The following ENTPD1 variants were observed in gnomAD, a reference collection of about 807,000 sequenced individuals.
ENTPD1 encodes ectonucleoside triphosphate diphosphohydrolase 1, also known as ATP diphosphohydrolase.
Under a neutral mutation model 57.0 loss-of-function variants are expected in ENTPD1, and 33 were observed. That is an observed-to-expected ratio of 0.58 (90% CI 0.44 to 0.77). The LOEUF is 0.77. ENTPD1 is among the 30% of genes least tolerant of loss of function. ENTPD1 has a pLI of 0.00. For missense variants in ENTPD1, 501 were observed against 603.4 expected (o/e 0.83, Z 1.78); for synonymous variants, 202 against 218.8 (o/e 0.92, Z 0.68).
In ENTPD1 at chr10:95,869,930, T is replaced by C; in HGVS notation, c.*3547T>C. On this transcript the variant is annotated 3_prime_UTR_variant, in exon 10 of 10. Transcript: ENST00000371205. Reference sequence around the variant, plus strand: ...GTGTGTTCACCTCACATGTGGCTTGTAGCTACCATACTGGACAGCACATGT... The same window carrying C: ...GTGTGTTCACCTCACATGTGGCTTGCAGCTACCATACTGGACAGCACATGT... The C allele has an allele frequency of 2.0e-6, 2 of 979,994 alleles. No homozygotes were observed. Among genetic ancestry groups the C allele is most frequent in the Non-Finnish European group, 2.4e-6 (2 of 824,948 alleles). 60.7% of individuals were successfully genotyped at this position (979,994 alleles called of 1,614,324 possible).
chr10:95,782,682 T>C (rs2098162531), intron 1 of ENTPD1, among the ~76,000 whole-genome samples: 1 of 152,078 alleles, frequency 6.6e-6, no homozygotes, highest in African/African-American at 2.4e-5. Flanking sequence ...AAGAGAGAAT[T>C]TTCCCCCTTG....
chr10:95,862,683 T>C (rs999186464), intron 8 of ENTPD1, among the ~76,000 whole-genome samples: 3 of 152,168 alleles, frequency 2.0e-5, no homozygotes, highest in African/African-American at 7.2e-5. Flanking sequence ...AGAGGGCTAG[T>C]AGAATCTTTC....
rs189385897 is a variant in ENTPD1, at chr10:95,856,334, C to A, written c.1075-4135C>A. 1.9e-3 allele frequency among the ~76,000 whole-genome samples: 290 copies of A among 152,116 alleles called. 1 individual carries two copies. Among genetic ancestry groups the A allele is most frequent in the Non-Finnish European group, 2.9e-3 (197 of 67,980 alleles). On this transcript the variant is annotated intron_variant, in intron 7 of 9. Coordinates refer to ENST00000371205, the MANE Select transcript of ENTPD1 (RefSeq NM_001776.6). ...GCAAGAATGGTCATAATTTAAAAAT[C>A]AAAAAATAATAGATGTTGGCATGGA...
intron 1 of ENTPD1, among the ~76,000 whole-genome samples, chr10:95,741,726 G>A (rs1469300785): frequency 6.6e-6 from 1 of 152,206 alleles, no homozygotes; most frequent in Non-Finnish European, 1.5e-5. Flanking sequence ...CTTAGAATTT[G>A]GAGGAGAGAG....
At position 95,845,534 on chromosome 10, in the gene ENTPD1, C is replaced by T; in HGVS notation, c.751C>T (p.His251Tyr). 6.2e-7 allele frequency: 1 copy of T among 1,614,240 alleles called. No individual in the cohort carries two copies. The stretch of plus-strand genomic sequence containing the variant: ...TGGCAAGGACTACAATGTCTACACA[C>T]ATAGCTTCTTGTGCTATGGGAAGGA... ...LYGKDYNVYT[H>Y]SFLCYGKDQA... Residue 251 changes from histidine (H) to tyrosine (Y), a missense_variant, in exon 6 of 10, where the codon CAT (histidine) becomes TAT (tyrosine). His to Tyr is a moderately conservative substitution (Grantham distance 83). Transcript: ENST00000371205.
chr10:95,773,161 T>A (rs2098121280), intron 1 of ENTPD1, among the ~76,000 whole-genome samples: 1 of 152,016 alleles, frequency 6.6e-6, no homozygotes, highest in South Asian at 2.1e-4. Context: ...CCAAAGAAGG[T>A]CATTGATCTA....
the ENTPD1 span, among the ~76,000 whole-genome samples, chr10:95,698,339 C>T: frequency 1.3e-5 from 2 of 152,022 alleles, no homozygotes; most frequent in African/African-American, 4.8e-5. Context: ...TATTCAGGAG[C>T]AAAGGAATAA....
At chr10:95,782,709 C>G (rs1478565985) in intron 1 of ENTPD1, among the ~76,000 whole-genome samples, 1 of 152,134 alleles carries the variant, frequency 6.6e-6, no homozygotes, top group African/African-American at 2.4e-5. Context: ...TGATTTCATC[C>G]TGCATTAGTT....
At chr10:95,747,540 C>T (rs112607261) in intron 1 of ENTPD1, among the ~76,000 whole-genome samples, 32 of 152,320 alleles carry the variant, frequency 2.1e-4, no homozygotes, top group African/African-American at 7.0e-4. Context: ...TTCTGTCCCC[C>T]CTATCTGGCC....
At position 95,869,694 on chromosome 10, in the gene ENTPD1, TC is replaced by T. The variant is rs1300508265; in HGVS notation, c.*3312del. The T allele has an allele frequency of 9.4e-6, 9 of 957,234 alleles. No homozygotes were observed. The highest frequency in any genetic ancestry group is 1.1e-5 in the Non-Finnish European group (9 of 804,356). The allele number at this position is 957,234 out of a possible 1,614,324, so 59.3% of individuals were successfully genotyped here. On this transcript the variant is annotated 3_prime_UTR_variant, in exon 10 of 10. Transcript: ENST00000371205. ...AAATAAAATTTTTTAAAATTACACT[TC>T]ATTTTAATGTTGTATCAGTCAAGGT...
chr10:95,866,544 T>C lies in ENTPD1; in HGVS notation c.*161T>C. On this transcript the variant is annotated 3_prime_UTR_variant, in exon 10 of 10. Transcript: ENST00000371205. ...TTTACTGAAGCCTTTCTTTTGGAGGTATTCAATATCCTTTGCCTCAAGGAC... is the reference window on the plus strand; with the variant it reads ...TTTACTGAAGCCTTTCTTTTGGAGGCATTCAATATCCTTTGCCTCAAGGAC... 2.0e-6 allele frequency: 3 copies of C among 1,504,868 alleles called. No homozygotes were observed. Among genetic ancestry groups the C allele is most frequent in the Non-Finnish European group, 2.7e-6 (3 of 1,131,356 alleles). 93.2% of individuals were successfully genotyped at this position (1,504,868 alleles called of 1,614,324 possible). A position where few individuals can be genotyped will look rare whatever the true frequency, so the allele number is the denominator to read the frequency against.
Position 95,872,443 on chromosome 10 carries a change from TCTTCTCAA to T in ENTPD1, c.*6064_*6071del. ...TGTTCACCCAACACCACTCAGGTTG[TCTTCTCAA>T]CTTGGAATACTCTTGCACCTTCAAA... On this transcript the variant is annotated 3_prime_UTR_variant, in exon 10 of 10. Coordinates refer to ENST00000371205, the MANE Select transcript of ENTPD1 (RefSeq NM_001776.6). 1.0e-6 allele frequency: 1 copy of T among 985,434 alleles called. No homozygotes were observed. The highest frequency in any genetic ancestry group is 1.2e-6 in the Non-Finnish European group (1 of 829,910). The allele number at this position is 985,434 out of a possible 1,614,324, so 61.0% of individuals were successfully genotyped here.
chr10:95,775,559 A>G (rs2098130761), intron 1 of ENTPD1, among the ~76,000 whole-genome samples: 1 of 152,194 alleles, frequency 6.6e-6, no homozygotes, highest in Non-Finnish European at 1.5e-5. Flanking sequence ...AATTTTGTCA[A>G]AGACCTTTTC....
chr10:95,695,926 T>C, the ENTPD1 span, among the ~76,000 whole-genome samples: 2 of 152,198 alleles, frequency 1.3e-5, no homozygotes, highest in Non-Finnish European at 2.9e-5. Flanking sequence ...CTATAAAATT[T>C]CTTCTTTTTG....
intron 1 of ENTPD1, among the ~76,000 whole-genome samples, chr10:95,770,763 G>A (rs975883626): frequency 8.6e-5 from 13 of 151,112 alleles, no homozygotes; most frequent in Admixed American, 8.5e-4. Flanking sequence ...GGGCTGGGGA[G>A]GAGTAGAAGA....
chr10:95,755,001 A>G (rs550058082), upstream of ENTPD1: 2 of 152,268 alleles, frequency 1.3e-5, no homozygotes, highest in Non-Finnish European at 2.9e-5. Context: ...TTTATATGGT[A>G]TAACTGGCTT....
chr10:95,852,225 CTTCTT>C (rs1203174713), intron 7 of ENTPD1, among the ~76,000 whole-genome samples: 3 of 152,184 alleles, frequency 2.0e-5, no homozygotes, highest in Non-Finnish European at 2.9e-5. Flanking sequence ...GCAAAAATGT[CTTCTT>C]TTGAGAAGTG....
intron 8 of ENTPD1, among the ~76,000 whole-genome samples, chr10:95,862,228 C>T (rs1445818678): frequency 2.6e-5 from 4 of 152,180 alleles, no homozygotes; most frequent in African/African-American, 9.7e-5. Context: ...AGACCCCTGT[C>T]TTCACCCAGA....
upstream of ENTPD1, among the ~76,000 whole-genome samples, chr10:95,752,811 G>A (rs2098014241): frequency 6.6e-6 from 1 of 152,116 alleles, no homozygotes; most frequent in African/African-American, 2.4e-5. Flanking sequence ...GGGTTACACG[G>A]TGAGCCAATG....
Sources: allele counts gnomAD v4.1 joint callset (sites outside exome capture counted in the v4.1 genomes callset), GRCh38; gene constraint gnomAD v4.1.1; transcripts MANE v1.5; gene names NCBI Gene and HGNC (gene_info 2026-07-23, HGNC 2026-07-21).